The following CCDC33 variants were observed in gnomAD, a reference collection of about 807,000 sequenced individuals.
The protein encoded by CCDC33 is coiled-coil domain-containing protein 33.
CCDC33 carries 94 observed loss-of-function variants against 91.9 expected under a neutral mutation model. The ratio of observed to expected loss-of-function variants is 1.02; its 90% CI spans 0.87 to 1.21. CCDC33 has a LOEUF of 1.21. Among genes scored for constraint, CCDC33 ranks in the 50% most tolerant of loss-of-function variants. CCDC33 has a pLI of 0.00. For synonymous variants in CCDC33, 396 were observed against 374.5 expected (o/e 1.06, Z -0.66); for missense variants, 940 against 935.5 (o/e 1.00, Z -0.06).
intron 2 of CCDC33, among the ~76,000 whole-genome samples, chr15:74,257,892 G>A (rs1029096014): frequency 4.6e-5 from 7 of 152,210 alleles, no homozygotes; most frequent in Non-Finnish European, 7.3e-5. Flanking sequence ...AGGAGTGGAG[G>A]CAGGCCTAGC....
chr15:74,281,968 G>C (rs368973272), intron 10 of CCDC33, 119 bp downstream of exon 10: 1 of 799,808 alleles, frequency 1.3e-6, no homozygotes, highest in East Asian at 2.7e-5. Context: ...TACTACTTTG[G>C]ATAGAAACGT....
intron 16 of CCDC33, chr15:74,333,309 C>A: frequency 6.3e-7 from 1 of 1,589,508 alleles, no homozygotes; most frequent in Non-Finnish European, 8.6e-7. Context: ...TGCACAGAGA[C>A]CCTGCCCGCA....
chr15:74,216,218 G>A (rs144873530), upstream of CCDC33, among the ~76,000 whole-genome samples: 68 of 152,222 alleles, frequency 4.5e-4, no homozygotes, highest in Non-Finnish European at 7.4e-4. Context: ...ATGCCCAGCC[G>A]CTGAGGCAAA....
At chr15:74,330,598 T>C in intron 12 of CCDC33, 65 bp from the exon 13 acceptor site, 1 of 1,332,930 alleles carries the variant, frequency 7.5e-7, no homozygotes, top group South Asian at 1.2e-5. Context: ...TTCCTGCTAC[T>C]GACCATGCTG....
chr15:74,326,318 C>A (rs1340805824), intron 11 of CCDC33, among the ~76,000 whole-genome samples: 2 of 152,218 alleles, frequency 1.3e-5, no homozygotes, highest in Non-Finnish European at 2.9e-5. Flanking sequence ...GAGTAAGTCT[C>A]CATCTTGGAA....
At chr15:74,241,473 C>T (rs1345018308) in intron 1 of CCDC33, among the ~76,000 whole-genome samples, 1 of 152,136 alleles carries the variant, frequency 6.6e-6, no homozygotes, top group African/African-American at 2.4e-5. Flanking sequence ...GCCAGGAGGC[C>T]AGTGTGGCTG....
At chr15:74,310,948 C>T (rs2059982198) in intron 11 of CCDC33, among the ~76,000 whole-genome samples, 1 of 152,170 alleles carries the variant, frequency 6.6e-6, no homozygotes, top group African/African-American at 2.4e-5. Flanking sequence ...CTTTGTGAAG[C>T]TCTGGGGTGG....
rs1197728053 is a variant in CCDC33 at position 74,218,791 on chromosome 15, A to G, written c.605A>G (p.Asp202Gly). 1 of 1,287,818 alleles carries G rather than the reference A, an allele frequency of 7.8e-7. No homozygotes were observed. Among genetic ancestry groups the G allele is most frequent in the Non-Finnish European group, 1.0e-6 (1 of 987,750 alleles). 79.8% of individuals were successfully genotyped at this position (1,287,818 alleles called of 1,614,324 possible). A position where few individuals can be genotyped will look rare whatever the true frequency, so the allele number is the denominator to read the frequency against. The stretch of plus-strand genomic sequence containing the variant: ...CGGGGCCCTCAGCCTCCAGTCTCAG[A>G]CAGCCCTCCCAGGGCTGGCCAGCCA... The change falls in exon 2 of 3, where the codon GAC (aspartate) becomes GGC (glycine). Residue 202 changes from aspartate to glycine, a missense_variant. Coordinates refer to the CCDC33 transcript ENST00000635913. This position sits in a 1 kb window ranked among gnomAD's most constrained non-coding sequence, Gnocchi z 4.8.
chr15:74,280,100 A>C lies in CCDC33; in HGVS notation c.889+8A>C, dbSNP rs1596015841. 1 of 1,613,690 alleles carries C rather than the reference A, an allele frequency of 6.2e-7. No individual in the cohort carries two copies. Among genetic ancestry groups the C allele is most frequent in the Non-Finnish European group, 8.5e-7 (1 of 1,179,846 alleles). On this transcript the variant is annotated splice_region_variant and intron_variant, in intron 8 of 18. Transcript: ENST00000398814. ...ACTACTCCTCAACTTCAAGTACGTGACCCCTGGTGCCTCGCCAGGGCAGCC... is the reference window on the plus strand; with the variant it reads ...ACTACTCCTCAACTTCAAGTACGTGCCCCCTGGTGCCTCGCCAGGGCAGCC...
intron 16 of CCDC33, chr15:74,333,224 G>T: frequency 6.3e-7 from 1 of 1,588,822 alleles, no homozygotes; most frequent in Non-Finnish European, 8.6e-7. Flanking sequence ...ATCCCAGGTG[G>T]ACCCCGGGGA....
In CCDC33 at chr15:74,244,033, C is replaced by A. The variant is rs1433926647; in HGVS notation, c.70C>A (p.Pro24Thr). ...CCTGATCGCCTCCCAGAGCACGGAA[C>A]CTGAGATCGGTCACCTGTCTCCCTC... ...EPLIASQSTE[P>T]EIGHLSPSKK... The change falls in exon 2 of 19, where the codon CCT becomes ACT. Residue 24 changes from proline to threonine, a missense_variant. Coordinates refer to ENST00000398814, the MANE Select transcript of CCDC33 (RefSeq NM_025055.5). The surrounding 1 kb of genome is among the most constrained non-coding windows in gnomAD (Gnocchi z 4.2). The A allele has an allele frequency of 1.2e-6, 2 of 1,610,360 alleles. No individual in the cohort carries two copies. Among genetic ancestry groups the A allele is most frequent in the Admixed American group, 1.7e-5 (1 of 59,700 alleles).
At chr15:74,249,679 G>T (rs2075645636) in intron 2 of CCDC33, among the ~76,000 whole-genome samples, 1 of 152,116 alleles carries the variant, frequency 6.6e-6, no homozygotes. Context: ...GAGGAACCGG[G>T]GGAGAGACCC....
At chr15:74,293,996 A>C (rs1283849169) in intron 10 of CCDC33, among the ~76,000 whole-genome samples, 2 of 152,228 alleles carry the variant, frequency 1.3e-5, no homozygotes, top group African/African-American at 2.4e-5. Context: ...TAATTACTTA[A>C]AGAATTTCAG....
At chr15:74,332,108 C>CA (rs539450489) in intron 15 of CCDC33, among the ~76,000 whole-genome samples, 367 of 152,312 alleles carry the variant, frequency 2.4e-3, no homozygotes, top group African/African-American at 8.1e-3. Flanking sequence ...AACTGCCAAT[C>CA]AGCCTCTGAT....
intron 2 of CCDC33, among the ~76,000 whole-genome samples, chr15:74,254,066 T>A (rs2075789844): frequency 6.6e-6 from 1 of 152,038 alleles, no homozygotes; most frequent in Non-Finnish European, 1.5e-5. Flanking sequence ...GGAGTCTCAC[T>A]CTGTTGCCTG....
intron 3 of CCDC33, among the ~76,000 whole-genome samples, chr15:74,266,428 A>G (rs2076167173): frequency 6.6e-6 from 1 of 152,184 alleles, no homozygotes; most frequent in Non-Finnish European, 1.5e-5. Flanking sequence ...TTTCTAGACC[A>G]TGGGAGAAAA....
At position 74,236,735 on chromosome 15, in the gene CCDC33, A is replaced by T. The variant is rs1375818941; in HGVS notation, c.16A>T (p.Lys6Ter). 5.6e-6 allele frequency: 9 copies of T among 1,613,818 alleles called. No individual in the cohort carries two copies. Among genetic ancestry groups the T allele is most frequent in the African/African-American group, 2.7e-5 (2 of 74,948 alleles). MGLKN[K>*]KNTEDPEEPL... is the part of the protein sequence containing the mutation. ...CCTCAAGAGGATGGGACTGAAAAAC[A>T]AAAAGGTAAGGCCAGGGGCATGGGC... The change falls in exon 1 of 19, where the codon AAA becomes TAA. Residue 6 changes from lysine to a stop codon, truncating the protein, a stop_gained. Coordinates refer to ENST00000398814, the MANE Select transcript of CCDC33 (RefSeq NM_025055.5). LOFTEE classifies it high-confidence loss of function.
Position 74,331,297 on chromosome 15 carries a change from G to T in CCDC33, c.1771+1G>T. On this transcript the variant is annotated splice_donor_variant, in intron 15 of 18. Transcript: ENST00000398814. LOFTEE classifies it high-confidence loss of function. ...AGGCAGCAGGGAAAGCCCTACACGG[G>T]TGGGTCCACACCCTGATGTGATCAG... is the stretch of plus-strand genomic sequence containing the variant. 6.2e-7 allele frequency: 1 copy of T among 1,613,828 alleles called. No homozygotes were observed. The highest frequency in any genetic ancestry group is 8.5e-7 in the Non-Finnish European group (1 of 1,179,838).
chr15:74,295,934 A>G lies in CCDC33; in HGVS notation c.1276A>G (p.Met426Val). Residue 426 changes from methionine (M) to valine (V), a missense_variant, in exon 11 of 19, where the codon ATG (methionine) becomes GTG (valine). Met to Val is a conservative substitution (Grantham distance 21). Transcript: ENST00000398814. ...EAEEEPLVPE[M>V]SHDTEMNNYR... is the part of the protein sequence containing the mutation. ...AGAGGAGGAACCTCTGGTGCCTGAG[A>G]TGTCCCATGACACAGTGAGTGTCTC... 6.2e-7 allele frequency: 1 copy of G among 1,612,580 alleles called. No individual in the cohort carries two copies. Among genetic ancestry groups the G allele is most frequent in the Non-Finnish European group, 8.5e-7 (1 of 1,179,330 alleles).
Sources: allele counts gnomAD v4.1 joint callset (sites outside exome capture counted in the v4.1 genomes callset), GRCh38; gene constraint gnomAD v4.1.1; non-coding constraint Gnocchi (gnomAD v3.1); transcripts MANE v1.5; gene names NCBI Gene and HGNC (gene_info 2026-07-23, HGNC 2026-07-21).